The following BACH2 variants were observed in gnomAD, a reference collection of about 807,000 sequenced individuals.
BACH2 encodes transcription regulator protein BACH2.
BACH2 carries 5 observed loss-of-function variants against 61.8 expected under a neutral mutation model. The ratio of observed to expected loss-of-function variants is 0.08; its 90% CI spans 0.04 to 0.17. The LOEUF (loss-of-function observed/expected upper bound fraction) is 0.17, where lower values mean the gene tolerates loss of function less well. Among genes scored for constraint, BACH2 ranks in the 10% least tolerant of loss-of-function variants. The pLI is 1.00. For synonymous variants in BACH2, 446 were observed against 440.1 expected, an observed-to-expected ratio of 1.01 and a Z score of -0.17; for missense variants, 824 against 1,091.1, an observed-to-expected ratio of 0.76 and a Z score of 3.45.
intron 3 of BACH2, chr6:90,218,196 G>A (rs1769603747): frequency 6.6e-6 from 1 of 152,206 alleles, no homozygotes; most frequent in South Asian, 2.1e-4. Context: ...CCCCTTGGTA[G>A]TTTACCGCTA....
intron 5 of BACH2, among the ~76,000 whole-genome samples, chr6:90,027,929 T>G (rs1294246778): frequency 1.3e-5 from 2 of 152,212 alleles, no homozygotes; most frequent in Admixed American, 6.5e-5. Flanking sequence ...GAAAATTTCT[T>G]ATATTGAGGC....
At chr6:89,956,359 G>T (rs796226865) in intron 6 of BACH2, among the ~76,000 whole-genome samples, 1 of 152,256 alleles carries the variant, frequency 6.6e-6, no homozygotes, top group African/African-American at 2.4e-5. Context: ...TTCCTAGGAG[G>T]TGATGACCTC....
chr6:90,113,542 A>G lies in BACH2; in HGVS notation c.-161-24433T>C, dbSNP rs1196678069. Among the ~76,000 whole-genome samples the G allele has an allele frequency of 4.6e-5, 7 of 152,174 alleles. No individual in the cohort carries two copies. In the East Asian group the frequency reaches 1.3e-3, roughly 29 times the overall value. On this transcript the variant is annotated intron_variant, in intron 4 of 8. Transcript: ENST00000257749. ...AGAAATCAAGAAGTTTATTGAAAAT[A>G]ATGAGAACAAAGATATACCAGAATC...
chr6:90,249,034 G>T (rs971161052), intron 3 of BACH2, among the ~76,000 whole-genome samples: 3 of 152,164 alleles, frequency 2.0e-5, no homozygotes, highest in African/African-American at 7.2e-5. Flanking sequence ...ATCTCAGAGA[G>T]GCAACAGAGA....
chr6:89,982,201 G>C (rs1775994360), intron 6 of BACH2, among the ~76,000 whole-genome samples: 1 of 152,180 alleles, frequency 6.6e-6, no homozygotes, highest in Non-Finnish European at 1.5e-5. Flanking sequence ...AGGGAGGTCA[G>C]CTCATAGAGA....
chr6:89,941,683 A>C (rs562398831), intron 7 of BACH2, among the ~76,000 whole-genome samples: 4 of 152,288 alleles, frequency 2.6e-5, no homozygotes, highest in African/African-American at 9.6e-5. Context: ...TGTCTGTTGG[A>C]GATGTGGATG....
chr6:89,934,018 C>CA (rs202103667), intron 8 of BACH2, among the ~76,000 whole-genome samples: 6,364 of 150,914 alleles, frequency 0.042, 212 homozygotes, highest in Non-Finnish European at 0.064. Flanking sequence ...AAAAAAAAGA[C>CA]AAAAAAAAAG....
At chr6:90,204,577 G>A (rs1343310553) in intron 4 of BACH2, among the ~76,000 whole-genome samples, 1 of 152,106 alleles carries the variant, frequency 6.6e-6, no homozygotes, top group Non-Finnish European at 1.5e-5. Flanking sequence ...TGACATTTCC[G>A]AGGAGTCTGG....
At chr6:90,235,758 G>T (rs544928091) in intron 3 of BACH2, among the ~76,000 whole-genome samples, 1 of 152,158 alleles carries the variant, frequency 6.6e-6, no homozygotes, top group Admixed American at 6.5e-5. Context: ...AATTAGAAAG[G>T]ATGCATTTAC....
intron 2 of BACH2, among the ~76,000 whole-genome samples, chr6:90,252,954 T>C (rs1562527356): frequency 6.6e-6 from 1 of 151,982 alleles, no homozygotes; most frequent in Non-Finnish European, 1.5e-5. Flanking sequence ...TCAGAAAGAG[T>C]AGCTTTAGGG....
At position 90,027,079 on chromosome 6, in the gene BACH2, G is replaced by A. The variant is rs991489234; in HGVS notation, c.-12-18223C>T. Among the ~76,000 whole-genome samples the A allele has an allele frequency of 2.6e-5, 4 of 152,076 alleles. 1 individual carries two copies. Among genetic ancestry groups the A allele is most frequent in the Admixed American group, 2.6e-4 (4 of 15,264 alleles). ...CACTCCTGTTTTTCCATTTAAAAAT[G>A]ATGAAAACCATGAGGCTAAGACCAC... On this transcript the variant is annotated intron_variant, in intron 5 of 8. Transcript: ENST00000257749.
chr6:90,282,125 T>A (rs1771875220), intron 1 of BACH2, among the ~76,000 whole-genome samples: 1 of 152,254 alleles, frequency 6.6e-6, no homozygotes, highest in African/African-American at 2.4e-5. Context: ...AGTTTTTTGC[T>A]CTTATGAACA....
intron 5 of BACH2, among the ~76,000 whole-genome samples, chr6:90,061,282 T>C (rs1045869333): frequency 4.6e-5 from 7 of 152,150 alleles, no homozygotes; most frequent in African/African-American, 1.7e-4. Flanking sequence ...TGATTGGGCA[T>C]AAAACAGGAG....
At chr6:90,185,889 C>G (rs1768339160) in intron 4 of BACH2, among the ~76,000 whole-genome samples, 1 of 152,164 alleles carries the variant, frequency 6.6e-6, no homozygotes, top group African/African-American at 2.4e-5. Context: ...GATGATTACG[C>G]AAATGTAGTT....
chr6:90,052,657 G>T (rs1582270804), intron 5 of BACH2, among the ~76,000 whole-genome samples: 1 of 152,324 alleles, frequency 6.6e-6, no homozygotes, highest in East Asian at 1.9e-4. Context: ...CTGGCCTCAA[G>T]TGATCTGCCT....
rs370574560 is a variant in BACH2, at chr6:89,940,901, C to T, written c.1837-2551G>A. On this transcript the variant is annotated intron_variant, in intron 7 of 8. Transcript: ENST00000257749. ...TTTCCAAATCCAAAGCACATTTTAT[C>T]CTTACAGCACATCATAATTCAGACT... Among the ~76,000 whole-genome samples, 130 of 149,704 alleles carry T rather than the reference C, an allele frequency of 8.7e-4. 2 individuals carry two copies. The highest frequency in any genetic ancestry group is 3.4e-3 in the Middle Eastern group (1 of 290).
At chr6:90,054,327 C>T (rs917652759) in intron 5 of BACH2, among the ~76,000 whole-genome samples, 3 of 152,214 alleles carry the variant, frequency 2.0e-5, no homozygotes, top group Non-Finnish European at 2.9e-5. Context: ...ATATCCCGCA[C>T]GTGGCTCAGA....
chr6:90,194,077 T>C (rs1768669835), intron 4 of BACH2, among the ~76,000 whole-genome samples: 1 of 152,186 alleles, frequency 6.6e-6, no homozygotes, highest in Non-Finnish European at 1.5e-5. Flanking sequence ...ATTTTTTTTT[T>C]TTGAAATTAA....
chr6:90,227,219 C>T (rs1769944418), intron 3 of BACH2, among the ~76,000 whole-genome samples: 2 of 152,218 alleles, frequency 1.3e-5, no homozygotes, highest in South Asian at 4.1e-4. Flanking sequence ...TCTATGAACT[C>T]TTAATACACA....
Sources: gnomAD v4.1 joint callset for allele counts (sites outside exome capture counted in the v4.1 genomes callset) on GRCh38, gnomAD v4.1.1 for gene constraint, MANE v1.5 for transcripts, NCBI Gene and HGNC (gene_info 2026-07-23, HGNC 2026-07-21) for gene names.